The following SLCO3A1 variants were observed in gnomAD, a reference collection of about 807,000 sequenced individuals.
SLCO3A1 encodes solute carrier organic anion transporter family member 3A1, also known as PGE1 transporter.
In SLCO3A1, 27 loss-of-function variants were observed where a neutral mutation model predicts 63.1. That is an observed-to-expected ratio of 0.43 (90% CI 0.32 to 0.59). The LOEUF (loss-of-function observed/expected upper bound fraction) is 0.59, where lower values mean the gene tolerates loss of function less well. Among genes scored for constraint, SLCO3A1 ranks in the 20% least tolerant of loss-of-function variants. The probability of loss-of-function intolerance (pLI) is 0.09; values close to 1 mark genes in which losing one functional copy is unlikely to be tolerated. For synonymous variants in SLCO3A1, 473 were observed against 409.9 expected, an observed-to-expected ratio of 1.15 and a Z score of -1.86; for missense variants, 773 against 945.8, an observed-to-expected ratio of 0.82 and a Z score of 2.40.
rs543640983 is a variant in SLCO3A1, at chr15:91,998,322, C to T, written c.646+81864C>T. The stretch of plus-strand genomic sequence containing the variant: ...TACAAAAGTTTGCTGGATGTGGTGG[C>T]GCACCCCTGTAATCCCAGCTACTCA... On this transcript the variant is annotated intron_variant, in intron 2 of 9. Transcript: ENST00000318445. Among the ~76,000 whole-genome samples, 15 of 152,058 alleles carry T rather than the reference C, an allele frequency of 9.9e-5. No homozygotes were observed. In the South Asian group the frequency reaches 1.9e-3, roughly 19 times the overall value.
intron 2 of SLCO3A1, among the ~76,000 whole-genome samples, chr15:91,924,534 A>T (rs906639662): frequency 2.0e-5 from 3 of 151,894 alleles, no homozygotes; most frequent in African/African-American, 7.2e-5. Flanking sequence ...ATAAAACACG[A>T]AAAAAGAAAA....
Position 91,942,590 on chromosome 15 carries a change from TTTGTTTGTTTC to T in SLCO3A1, c.646+26133_646+26143del, listed in dbSNP as rs1200479744. Among the ~76,000 whole-genome samples, 15 of 152,112 alleles carry T rather than the reference TTTGTTTGTTTC, an allele frequency of 9.9e-5. No homozygotes were observed. Among genetic ancestry groups the T allele is most frequent in the African/African-American group, 3.4e-4 (14 of 41,398 alleles). On this transcript the variant is annotated intron_variant, in intron 2 of 9. Coordinates refer to ENST00000318445, the MANE Select transcript of SLCO3A1 (RefSeq NM_013272.4). This position sits in a 1 kb window ranked among gnomAD's most constrained non-coding sequence, Gnocchi z 4.1. ...CTGGAAATGTATGTTTGTTTGTTTG[TTTGTTTGTTTC>T]GAGACCGAGTCTTGCTCTGTCGACC...
At chr15:91,929,695 C>T (rs1012299492) in intron 2 of SLCO3A1, among the ~76,000 whole-genome samples, 1 of 152,244 alleles carries the variant, frequency 6.6e-6, no homozygotes, top group Non-Finnish European at 1.5e-5. Context: ...CAACAACTCC[C>T]ATTCCACCCC....
chr15:92,029,457 G>T (rs115676576), intron 2 of SLCO3A1, among the ~76,000 whole-genome samples: 1 of 152,168 alleles, frequency 6.6e-6, no homozygotes, highest in South Asian at 2.1e-4. Flanking sequence ...TCTCCGTTCC[G>T]CATCTTTTAC....
rs1899970111 is a variant in SLCO3A1, at chr15:91,950,723, A to G, written c.646+34265A>G. On this transcript the variant is annotated intron_variant, in intron 2 of 9. Transcript: ENST00000318445. The surrounding 1 kb of genome is among the most constrained non-coding windows in gnomAD (Gnocchi z 4.4). ...CAACCAGTCTGATTGCTCTTGTCCC[A>G]AGTCATTGCTTTTTGGGGTGAGGGC... Among the ~76,000 whole-genome samples the G allele has an allele frequency of 6.6e-6, 1 of 152,132 alleles. No homozygotes were observed. The highest frequency in any genetic ancestry group is 2.1e-4 in the South Asian group (1 of 4,814).
rs377715231 is a variant in SLCO3A1, at chr15:92,034,195, C to T, written c.647-60686C>T. ...GGAGAGGGATCCTGGAGACTTGGGG[C>T]CGGGGATAGCACAGATGCCTCCTAA... On this transcript the variant is annotated intron_variant, in intron 2 of 9. Transcript: ENST00000318445. Among the ~76,000 whole-genome samples the T allele has an allele frequency of 3.8e-4, 57 of 151,286 alleles. 1 individual carries two copies. In the South Asian group the frequency reaches 0.011, roughly 28 times the overall value.
chr15:91,933,435 A>C (rs1899302418), intron 2 of SLCO3A1, among the ~76,000 whole-genome samples: 1 of 152,186 alleles, frequency 6.6e-6, no homozygotes, highest in African/African-American at 2.4e-5. Flanking sequence ...TTCTGTTTTA[A>C]AAAATGACCA....
At chr15:92,145,318 A>G (rs1407729692) in intron 7 of SLCO3A1, among the ~76,000 whole-genome samples, 1 of 152,126 alleles carries the variant, frequency 6.6e-6, no homozygotes, top group African/African-American at 2.4e-5. Flanking sequence ...CTCTCCTGGG[A>G]AGAGGAGGAG....
chr15:91,941,284 G>A lies in SLCO3A1; in HGVS notation c.646+24826G>A. 3.8e-6 allele frequency: 1 copy of A among 265,890 alleles called. No individual in the cohort carries two copies. Among genetic ancestry groups the A allele is most frequent in the Non-Finnish European group, 7.5e-6 (1 of 132,506 alleles). The allele number at this position is 265,890 out of a possible 1,614,324, so 16.5% of individuals were successfully genotyped here. ...GCTGGTTTAGGTGTGTTGGGGCAGG[G>A]CGGGGCTCGGCTGGGGGGTGGGAGA... On this transcript the variant is annotated intron_variant, in intron 2 of 9. Coordinates refer to ENST00000318445, the MANE Select transcript of SLCO3A1 (RefSeq NM_013272.4). The surrounding 1 kb of genome is among the most constrained non-coding windows in gnomAD (Gnocchi z 4.4).
intron 2 of SLCO3A1, among the ~76,000 whole-genome samples, chr15:92,050,583 A>G (rs1479315978): frequency 6.6e-6 from 1 of 152,118 alleles, no homozygotes; most frequent in Non-Finnish European, 1.5e-5. Context: ...TCTGTCTCCA[A>G]ATTACACCCC....
chr15:91,991,446 C>A (rs2046125339), intron 2 of SLCO3A1, among the ~76,000 whole-genome samples: 1 of 152,140 alleles, frequency 6.6e-6, no homozygotes, highest in African/African-American at 2.4e-5. Context: ...GCAGATCATA[C>A]AAACTGTGTC....
intron 4 of SLCO3A1, among the ~76,000 whole-genome samples, chr15:92,119,206 G>A (rs2047831423): frequency 6.6e-6 from 1 of 151,942 alleles, no homozygotes; most frequent in Non-Finnish European, 1.5e-5. Context: ...CTGATTGCTG[G>A]GAATATCCAA....
chr15:92,027,141 A>G (rs964051325), intron 2 of SLCO3A1, among the ~76,000 whole-genome samples: 1 of 152,040 alleles, frequency 6.6e-6, no homozygotes, highest in Non-Finnish European at 1.5e-5. Context: ...GTGAGCTTTG[A>G]TAGAAGATCT....
At chr15:92,032,426 A>C (rs915158861) in intron 2 of SLCO3A1, among the ~76,000 whole-genome samples, 2 of 152,122 alleles carry the variant, frequency 1.3e-5, no homozygotes, top group Non-Finnish European at 2.9e-5. Context: ...CTGAGAGGCT[A>C]AGTGTATAGG....
At chr15:92,143,939 G>T (rs1489199167) in intron 7 of SLCO3A1, among the ~76,000 whole-genome samples, 1 of 152,186 alleles carries the variant, frequency 6.6e-6, no homozygotes. Flanking sequence ...GCGATGTGGG[G>T]AGCCACGTGG....
At chr15:91,922,762 G>A (rs1009283012) in intron 2 of SLCO3A1, among the ~76,000 whole-genome samples, 7 of 152,138 alleles carry the variant, frequency 4.6e-5, no homozygotes, top group African/African-American at 1.7e-4. Context: ...AGTTTCCTTC[G>A]TTAATTTCTT....
chr15:92,102,791 G>A (rs1020300697), intron 3 of SLCO3A1, among the ~76,000 whole-genome samples: 2 of 152,258 alleles, frequency 1.3e-5, no homozygotes, highest in Middle Eastern at 3.4e-3. Flanking sequence ...CATTCACCTC[G>A]GGCCCTACAG....
At chr15:92,126,028 G>C in intron 5 of SLCO3A1, 33 bp from the exon 6 acceptor site, 1 of 1,601,994 alleles carries the variant, frequency 6.2e-7, no homozygotes, top group Non-Finnish European at 8.6e-7. Flanking sequence ...CACCTTCCCT[G>C]TTCACAGCCC....
chr15:91,922,030 C>T (rs987619365), intron 2 of SLCO3A1, among the ~76,000 whole-genome samples: 27 of 152,272 alleles, frequency 1.8e-4, no homozygotes, highest in Non-Finnish European at 2.8e-4. Context: ...CCACTGCGCC[C>T]GGCCAAGATT....
Sources: gnomAD v4.1 joint callset for allele counts (sites outside exome capture counted in the v4.1 genomes callset) on GRCh38, gnomAD v4.1.1 for gene constraint, Gnocchi (gnomAD v3.1) non-coding constraint, MANE v1.5 for transcripts, NCBI Gene and HGNC (gene_info 2026-07-23, HGNC 2026-07-21) for gene names.